The following GFOD1 variants were observed in gnomAD, a reference collection of about 807,000 sequenced individuals.
GFOD1 encodes glucose-fructose oxidoreductase domain-containing protein 1.
Under a neutral mutation model 25.4 loss-of-function variants are expected in GFOD1, and 9 were observed. The observed-to-expected ratio is 0.35, with a 90% confidence interval of 0.21 to 0.62. GFOD1 has a LOEUF of 0.62. Among genes scored for constraint, GFOD1 ranks in the 20% least tolerant of loss-of-function variants. GFOD1 has a pLI of 0.72. For missense variants in GFOD1, 403 were observed against 556.9 expected (o/e 0.72, Z 2.78); for synonymous variants, 253 against 245.6 (o/e 1.03, Z -0.28).
At chr6:13,464,975 G>C (rs947698864) in intron 1 of GFOD1, among the ~76,000 whole-genome samples, 4 of 151,796 alleles carry the variant, frequency 2.6e-5, no homozygotes, top group Non-Finnish European at 4.4e-5. Context: ...CGTCATTCAA[G>C]GCTCTCTGAA....
intron 1 of GFOD1, among the ~76,000 whole-genome samples, chr6:13,423,954 G>A (rs1786307712): frequency 6.6e-6 from 1 of 152,132 alleles, no homozygotes; most frequent in African/African-American, 2.4e-5. Flanking sequence ...TGCCTCCTGG[G>A]TTCAAGTGAT....
intron 1 of GFOD1, among the ~76,000 whole-genome samples, chr6:13,413,422 G>A (rs546766534): frequency 6.6e-6 from 1 of 152,310 alleles, no homozygotes; most frequent in South Asian, 2.1e-4. Flanking sequence ...GAGCACACAT[G>A]CCTCATCAAA....
chr6:13,446,621 C>T (rs1758007133), intron 1 of GFOD1, among the ~76,000 whole-genome samples: 1 of 152,184 alleles, frequency 6.6e-6, no homozygotes, highest in Non-Finnish European at 1.5e-5. Context: ...CAAACACACC[C>T]CTGACACTGG....
At chr6:13,376,509 C>G (rs981201050) in intron 1 of GFOD1, among the ~76,000 whole-genome samples, 1 of 152,102 alleles carries the variant, frequency 6.6e-6, no homozygotes, top group African/African-American at 2.4e-5. Flanking sequence ...GCCACACTAC[C>G]CCCATAGAAA....
chr6:13,451,690 G>C (rs1364027106), intron 1 of GFOD1, among the ~76,000 whole-genome samples: 8 of 152,310 alleles, frequency 5.3e-5, no homozygotes, highest in African/African-American at 1.9e-4. Flanking sequence ...GAGCAGGCGG[G>C]CAAGTCAGCA....
chr6:13,397,917 C>T (rs1005969778), intron 1 of GFOD1, among the ~76,000 whole-genome samples: 3 of 152,150 alleles, frequency 2.0e-5, no homozygotes, highest in Non-Finnish European at 4.4e-5. Flanking sequence ...AAGACTTTTC[C>T]GACTATGGGC....
chr6:13,389,148 CTT>C (rs1785533965), intron 1 of GFOD1, among the ~76,000 whole-genome samples: 1 of 152,188 alleles, frequency 6.6e-6, no homozygotes, highest in South Asian at 2.1e-4. Context: ...AAATAGGAAA[CTT>C]TTACACTGTT....
At chr6:13,408,187 C>A in intron 1 of GFOD1, 2 of 684,616 alleles carry the variant, frequency 2.9e-6, no homozygotes, top group Non-Finnish European at 3.6e-6. Flanking sequence ...GATCAGAACA[C>A]AATTGAATGT....
rs544510508 is a variant in GFOD1 at position 13,361,551 on chromosome 6, T to C, written c.*3192A>G. The C allele has an allele frequency of 4.8e-4, 73 of 152,586 alleles. No individual in the cohort carries two copies. The highest frequency in any genetic ancestry group is 1.7e-3 in the African/African-American group (71 of 41,570). The allele number at this position is 152,586 out of a possible 1,614,324, so 9.5% of individuals were successfully genotyped here. On this transcript the variant is annotated 3_prime_UTR_variant, in exon 2 of 2. Coordinates refer to ENST00000379287, the MANE Select transcript of GFOD1 (RefSeq NM_018988.4). ...CCCCTAAAGGCATGATGAACGGTGC[T>C]GGGCTGAAACAAAGTCCTTCTGCAG...
chr6:13,383,811 G>A lies in GFOD1; in HGVS notation c.254-18149C>T, dbSNP rs375118873. Reference sequence around the variant, plus strand: ...TCTTCACACCCCTGGGTGGAGCACTGAACCACTTTTGGTCTGGTACTGCTG... The same window carrying A: ...TCTTCACACCCCTGGGTGGAGCACTAAACCACTTTTGGTCTGGTACTGCTG... On this transcript the variant is annotated intron_variant, in intron 1 of 1. Coordinates refer to ENST00000379287, the MANE Select transcript of GFOD1 (RefSeq NM_018988.4). Among the ~76,000 whole-genome samples, 5 of 152,312 alleles carry A rather than the reference G, an allele frequency of 3.3e-5. No homozygotes were observed. The East Asian group carries it at 9.6e-4, about 29-fold the overall frequency.
intron 1 of GFOD1, chr6:13,470,634 T>C (rs532452694): frequency 1.3e-5 from 19 of 1,462,230 alleles, no homozygotes; most frequent in South Asian, 4.4e-5. Context: ...CCTGGTTCTG[T>C]TGGAAAGGGA....
chr6:13,365,793 C>T lies in GFOD1; in HGVS notation c.254-131G>A. 1 of 768,626 alleles carries T rather than the reference C, an allele frequency of 1.3e-6. No individual in the cohort carries two copies. The highest frequency in any genetic ancestry group is 2.0e-6 in the Non-Finnish European group (1 of 491,494). 47.6% of individuals were successfully genotyped at this position (768,626 alleles called of 1,614,324 possible). A position where few individuals can be genotyped will look rare whatever the true frequency, so the allele number is the denominator to read the frequency against. On this transcript the variant is annotated intron_variant, in intron 1 of 1. Transcript: ENST00000379287. The surrounding 1 kb of genome is among the most constrained non-coding windows in gnomAD (Gnocchi z 9.2). Reference sequence around the variant, plus strand: ...GATGTGGTGGCTCATGCCTGTTGTCCCAGCACTTTGGGAGGCCAAGGCCGG... The same window carrying T: ...GATGTGGTGGCTCATGCCTGTTGTCTCAGCACTTTGGGAGGCCAAGGCCGG...
Position 13,365,666 on chromosome 6 carries a change from CGGGT to C in GFOD1, c.254-8_254-5del. Reference sequence around the variant, plus strand: ...CAGATGACGTTCTTGCCGATGCCTGCGGGTGGGAGGAAGACAGCGGTCAGCGGGG... The same window carrying C: ...CAGATGACGTTCTTGCCGATGCCTGCGGGAGGAAGACAGCGGTCAGCGGGG... On this transcript the variant is annotated splice_region_variant and splice_polypyrimidine_tract_variant and intron_variant, in intron 1 of 1. Coordinates refer to ENST00000379287, the MANE Select transcript of GFOD1 (RefSeq NM_018988.4). This position sits in a 1 kb window ranked among gnomAD's most constrained non-coding sequence, Gnocchi z 9.2. 2 of 1,588,116 alleles carry C rather than the reference CGGGT, an allele frequency of 1.3e-6. No homozygotes were observed. The highest frequency in any genetic ancestry group is 1.7e-6 in the Non-Finnish European group (2 of 1,171,148).
At chr6:13,371,662 CA>C (rs1785157005) in intron 1 of GFOD1, among the ~76,000 whole-genome samples, 1 of 152,166 alleles carries the variant, frequency 6.6e-6, no homozygotes, top group Non-Finnish European at 1.5e-5. Flanking sequence ...TGTGTTTTGC[CA>C]AGCCCCAAAC....
chr6:13,364,575 G>C lies in GFOD1; in HGVS notation c.*168C>G, dbSNP rs556396570. ...CTCAGCCCACCAACAGTCTGGTTTG[G>C]GGTCGGTCACCGGGATTGGAGTTTA... On this transcript the variant is annotated 3_prime_UTR_variant, in exon 2 of 2. Transcript: ENST00000379287. This position sits in a 1 kb window ranked among gnomAD's most constrained non-coding sequence, Gnocchi z 4.1. 1.4e-4 allele frequency: 87 copies of C among 622,224 alleles called. 2 individuals carry two copies. The South Asian group carries it at 1.6e-3, about 12-fold the overall frequency. The allele number at this position is 622,224 out of a possible 1,614,324, so 38.5% of individuals were successfully genotyped here.
intron 1 of GFOD1, among the ~76,000 whole-genome samples, chr6:13,484,114 T>G (rs766609691): frequency 6.6e-6 from 1 of 152,130 alleles, no homozygotes; most frequent in Non-Finnish European, 1.5e-5. Context: ...TGATCTGAAG[T>G]TTCATTTCAC....
intron 1 of GFOD1, among the ~76,000 whole-genome samples, chr6:13,478,964 C>A (rs1351730840): frequency 6.6e-6 from 1 of 151,888 alleles, no homozygotes; most frequent in Non-Finnish European, 1.5e-5. Flanking sequence ...TCTTGGTAAC[C>A]CCATCAGTAC....
chr6:13,360,630 G>T lies in GFOD1; in HGVS notation c.*4113C>A, dbSNP rs1309834235. ...AACATAGGAAGTCAATTTTAAAAAA[G>T]GCTGAGTGATATTTCCATTTTGGAA... is the stretch of plus-strand genomic sequence containing the variant. On this transcript the variant is annotated 3_prime_UTR_variant, in exon 2 of 2. Transcript: ENST00000379287. 2.3e-6 allele frequency: 1 copy of T among 443,276 alleles called. No homozygotes were observed. Among genetic ancestry groups the T allele is most frequent in the Non-Finnish European group, 4.6e-6 (1 of 215,994 alleles). 27.5% of individuals were successfully genotyped at this position (443,276 alleles called of 1,614,324 possible).
At chr6:13,424,377 A>G (rs986565804) in intron 1 of GFOD1, among the ~76,000 whole-genome samples, 1 of 152,200 alleles carries the variant, frequency 6.6e-6, no homozygotes, top group Admixed American at 6.5e-5. Context: ...GACCACGGTG[A>G]TCACATCAAC....
Sources: gnomAD v4.1 joint callset for allele counts (sites outside exome capture counted in the v4.1 genomes callset) on GRCh38, gnomAD v4.1.1 for gene constraint, Gnocchi (gnomAD v3.1) non-coding constraint, MANE v1.5 for transcripts, NCBI Gene and HGNC (gene_info 2026-07-23, HGNC 2026-07-21) for gene names.